The following CRB1 variants were observed in gnomAD, a reference collection of about 807,000 sequenced individuals.
CRB1 encodes the protein crumbs cell polarity complex component 1.
Under a neutral mutation model 120.0 loss-of-function variants are expected in CRB1, and 83 were observed. The observed-to-expected ratio is 0.69, with a 90% CI of 0.58 to 0.83. The LOEUF (loss-of-function observed/expected upper bound fraction) is 0.83, where lower values mean the gene tolerates loss of function less well. CRB1 is among the 40% of genes least tolerant of loss of function. The pLI is 0.00. For synonymous variants in CRB1, 625 were observed against 612.5 expected (o/e 1.02, Z -0.30); for missense variants, 1,699 against 1,687.6 (o/e 1.01, Z -0.12).
the CRB1 span, among the ~76,000 whole-genome samples, chr1:197,210,657 C>G: frequency 1.3e-5 from 2 of 152,048 alleles, no homozygotes; most frequent in Non-Finnish European, 2.9e-5. Flanking sequence ...ACTAATACAC[C>G]AGCAATGAAA....
rs2125354437 is a variant in CRB1, at chr1:197,356,893, A to G, written c.1051A>G (p.Asn351Asp). 1.9e-6 allele frequency: 3 copies of G among 1,614,180 alleles called. No homozygotes were observed. The South Asian group carries it at 3.3e-5, about 18-fold the overall frequency. Residue 351 changes from asparagine to aspartate, a missense_variant, in exon 5 of 12, where the codon AAT becomes GAT. Transcript: ENST00000367400. ...NECNSNPCQS[N>D]GECVELSSEK... ...ATGCAATAGTAACCCCTGCCAGTCC[A>G]ATGGGGAATGTGTGGAGCTGTCCTC...
At chr1:197,231,866 A>G in the CRB1 span, among the ~76,000 whole-genome samples, 1 of 152,160 alleles carries the variant, frequency 6.6e-6, no homozygotes, top group East Asian at 1.9e-4. Flanking sequence ...TAGTAGGCTG[A>G]ATAGTGCCTA....
At chr1:197,276,357 A>G (rs1029927352) in intron 1 of CRB1, among the ~76,000 whole-genome samples, 4 of 151,720 alleles carry the variant, frequency 2.6e-5, no homozygotes, top group Non-Finnish European at 5.9e-5. Flanking sequence ...ATAAATATTA[A>G]AATTTACTAT....
the CRB1 span, among the ~76,000 whole-genome samples, chr1:197,213,969 A>G: frequency 1.3e-5 from 2 of 152,186 alleles, no homozygotes; most frequent in Non-Finnish European, 2.9e-5. Flanking sequence ...ACCTCAAAGA[A>G]GTAGAAAAGG....
rs1410469929 is a variant in CRB1, at chr1:197,294,284, A to G, written c.70+25802A>G. Among the ~76,000 whole-genome samples the G allele has an allele frequency of 2.0e-5, 3 of 152,214 alleles. No homozygotes were observed. In the East Asian group the frequency reaches 5.8e-4, roughly 29 times the overall value. ...GAACAGACAGTTCTCAAAAGAAGAC[A>G]TTTCTGCAGCCAACAGACACACGAA... is the stretch of plus-strand genomic sequence containing the variant. On this transcript the variant is annotated intron_variant, in intron 1 of 11. Transcript: ENST00000367400.
chr1:197,465,199 G>A lies in CRB1; in HGVS notation c.4006-12465G>A, dbSNP rs115296051. ...CTGTGCTAAATTTATACATAGAGAT[G>A]GAGAAATTTTAGTTCAGCAGTATTT... On this transcript the variant is annotated intron_variant, in intron 11 of 11. Transcript: ENST00000367400. 6.5e-3 allele frequency among the ~76,000 whole-genome samples: 990 copies of A among 152,190 alleles called. 17 individuals are homozygous for A. The highest frequency in any genetic ancestry group is 0.023 in the African/African-American group (955 of 41,526).
chr1:197,440,268 T>C (rs1324133948), intron 10 of CRB1: 1 of 152,232 alleles, frequency 6.6e-6, no homozygotes, highest in East Asian at 1.9e-4. Context: ...CACTCACACA[T>C]TGTTTCTATT....
Position 197,435,255 on chromosome 1 carries a change from A to G in CRB1, c.3392A>G (p.Asn1131Ser). 1 of 1,613,922 alleles carries G rather than the reference A, an allele frequency of 6.2e-7. No homozygotes were observed. The highest frequency in any genetic ancestry group is 8.5e-7 in the Non-Finnish European group (1 of 1,179,862). ...GAGCAATTTCTCAAAATCTCTACCA[A>G]TTCAGTGGTCACTGGCTGTTTGCAG... ...QEEQFLKIST[N>S]SVVTGCLQLN... The change falls in exon 9 of 12, where the codon AAT becomes AGT. Residue 1131 changes from asparagine to serine, a missense_variant. Asn to Ser is a conservative substitution (Grantham distance 46). Transcript: ENST00000367400.
the CRB1 span, among the ~76,000 whole-genome samples, chr1:197,211,914 A>G: frequency 6.6e-6 from 1 of 152,140 alleles, no homozygotes; most frequent in Non-Finnish European, 1.5e-5. Flanking sequence ...TCTAGAATAT[A>G]AAAAGAACTC....
rs1311798114 is a variant in CRB1 at position 197,365,580 on chromosome 1, TCTCCTTCTCCTTCTC to T, written c.1171+8585_1171+8599del. Among the ~76,000 whole-genome samples, 4 of 151,140 alleles carry T rather than the reference TCTCCTTCTCCTTCTC, an allele frequency of 2.6e-5. No homozygotes were observed. In the East Asian group the frequency reaches 5.8e-4, roughly 22 times the overall value. ...TCTTTTTTCTTTTCTTTTCTTTTTT[TCTCCTTCTCCTTCTC>T]CTCCTTCTCCTTCTCCTTCTTCTTC... On this transcript the variant is annotated intron_variant, in intron 5 of 11. Transcript: ENST00000367400.
intron 5 of CRB1, among the ~76,000 whole-genome samples, chr1:197,401,584 T>C (rs1663066259): frequency 6.6e-6 from 1 of 152,206 alleles, no homozygotes; most frequent in Non-Finnish European, 1.5e-5. Flanking sequence ...TTGTGTCTTC[T>C]GTTTTGCAAA....
At chr1:197,208,271 A>T in the CRB1 span, among the ~76,000 whole-genome samples, 6 of 152,054 alleles carry the variant, frequency 3.9e-5, no homozygotes, top group African/African-American at 1.4e-4. Flanking sequence ...AGCTAGTGTG[A>T]TCTTTTTGTG....
rs1450685360 is a variant in CRB1, at chr1:197,421,296, G to C, written c.1468G>C (p.Gly490Arg). The C allele has an allele frequency of 5.6e-6, 9 of 1,614,078 alleles. No homozygotes were observed. The highest frequency in any genetic ancestry group is 7.6e-6 in the Non-Finnish European group (9 of 1,180,046). ...AATCGCAACCACACTTTCATTTGAG[G>C]GCGATGGCTTCCTGTGGGTCAAAAG... The part of the protein sequence containing the change: ...CEIATTLSFE[G>R]DGFLWVKSGS... The change falls in exon 6 of 12, where the codon GGC becomes CGC. Residue 490 changes from glycine (G) to arginine (R), a missense_variant. Gly to Arg is a moderately radical substitution (Grantham distance 125). Coordinates refer to ENST00000367400, the MANE Select transcript of CRB1 (RefSeq NM_201253.3).
chr1:197,208,817 G>C, the CRB1 span, among the ~76,000 whole-genome samples: 1 of 152,142 alleles, frequency 6.6e-6, no homozygotes, highest in African/African-American at 2.4e-5. Flanking sequence ...ATTGTCTTTG[G>C]CTACCAGGGC....
At chr1:197,244,954 G>C in the CRB1 span, among the ~76,000 whole-genome samples, 6 of 151,762 alleles carry the variant, frequency 4.0e-5, no homozygotes, top group Admixed American at 2.0e-4. Flanking sequence ...CCATTCTGCT[G>C]TCAAGCTTAT....
rs1470534067 is a variant in CRB1, at chr1:197,478,258, G to A, written c.*379G>A. Reference sequence around the variant, plus strand: ...ACTTTCTGTAGTTTCTGTGTAAACTGCCATATGTTTACATGGAAACTACAG... The same window carrying A: ...ACTTTCTGTAGTTTCTGTGTAAACTACCATATGTTTACATGGAAACTACAG... On this transcript the variant is annotated 3_prime_UTR_variant, in exon 12 of 12. Transcript: ENST00000367400. 3.5e-6 allele frequency: 1 copy of A among 287,702 alleles called. No homozygotes were observed. The highest frequency in any genetic ancestry group is 2.2e-5 in the African/African-American group (1 of 45,134). The allele number at this position is 287,702 out of a possible 1,614,324, so 17.8% of individuals were successfully genotyped here. A position where few individuals can be genotyped will look rare whatever the true frequency, so the allele number is the denominator to read the frequency against.
At chr1:197,254,049 C>CT in the CRB1 span, among the ~76,000 whole-genome samples, 7 of 152,108 alleles carry the variant, frequency 4.6e-5, no homozygotes, top group Non-Finnish European at 7.4e-5. Context: ...CCTTCATTCT[C>CT]TGCCTCCTCA....
intron 1 of CRB1, among the ~76,000 whole-genome samples, chr1:197,272,856 G>A (rs568474098): frequency 6.6e-6 from 1 of 152,238 alleles, no homozygotes; most frequent in South Asian, 2.1e-4. Context: ...AAAATGTACA[G>A]AATTTTACAG....
At chr1:197,405,498 C>T (rs1464434755) in intron 5 of CRB1, among the ~76,000 whole-genome samples, 3 of 152,058 alleles carry the variant, frequency 2.0e-5, no homozygotes, top group East Asian at 3.9e-4. Flanking sequence ...CGGCCGCCAC[C>T]CCGTCTGGGA....
Sources: allele counts gnomAD v4.1 joint callset (sites outside exome capture counted in the v4.1 genomes callset), GRCh38; gene constraint gnomAD v4.1.1; transcripts MANE v1.5; gene names NCBI Gene and HGNC (gene_info 2026-07-23, HGNC 2026-07-21).